CDH20: variants seen among roughly 807,000 people sequenced by gnomAD.
CDH20 encodes cadherin-20.
Under a neutral mutation model 74.2 loss-of-function variants are expected in CDH20, and 29 were observed. The observed-to-expected ratio is 0.39, with a 90% CI of 0.29 to 0.53. The LOEUF (loss-of-function observed/expected upper bound fraction) is 0.53. Among genes scored for constraint, CDH20 ranks in the 20% least tolerant of loss-of-function variants. The pLI, the probability that CDH20 is intolerant of heterozygous loss-of-function variation, is 0.69. For synonymous variants in CDH20, 469 were observed against 405.4 expected (o/e 1.16, Z -1.88); for missense variants, 988 against 1,048.3 (o/e 0.94, Z 0.79).
intron 1 of CDH20, among the ~76,000 whole-genome samples, chr18:61,448,356 T>G (rs899453622): frequency 1.3e-5 from 2 of 152,170 alleles, no homozygotes; most frequent in Admixed American, 6.5e-5. Flanking sequence ...GGTCAAGTAA[T>G]TTAAGTCTGA....
At chr18:61,334,501 GT>G (rs1345055308) in intron 1 of CDH20, 1 of 152,392 alleles carries the variant, frequency 6.6e-6, no homozygotes, top group Non-Finnish European at 1.5e-5. Flanking sequence ...TGCGCTCGCT[GT>G]TTGGTTTTTG....
At chr18:61,354,682 G>C (rs1476474224) in intron 1 of CDH20, among the ~76,000 whole-genome samples, 1 of 151,922 alleles carries the variant, frequency 6.6e-6, no homozygotes, top group Non-Finnish European at 1.5e-5. Flanking sequence ...GCTGTACTGA[G>C]ACAATTACTT....
chr18:61,429,249 G>C (rs894969239), intron 1 of CDH20, among the ~76,000 whole-genome samples: 10 of 152,122 alleles, frequency 6.6e-5, no homozygotes, highest in Non-Finnish European at 1.0e-4. Flanking sequence ...CATGTCTTTA[G>C]ACTTTTGTTT....
intron 6 of CDH20, among the ~76,000 whole-genome samples, chr18:61,517,264 A>G (rs1003844455): frequency 7.9e-5 from 12 of 152,320 alleles, no homozygotes; most frequent in African/African-American, 2.6e-4. Flanking sequence ...CAAAGTTAAG[A>G]GTTTCTGCTC....
chr18:61,465,903 T>A lies in CDH20; in HGVS notation c.-152-24499T>A, dbSNP rs530246421. 2.8e-4 allele frequency among the ~76,000 whole-genome samples: 43 copies of A among 151,456 alleles called. No individual in the cohort carries two copies. The East Asian group carries it at 4.5e-3, about 16-fold the overall frequency. On this transcript the variant is annotated intron_variant, in intron 1 of 11. Transcript: ENST00000262717. Reference sequence around the variant, plus strand: ...AGGAACCATGTCTCTAAAAAAAAAATTTACAAATTAGCCAGGCATGGTGAT... The same window carrying A: ...AGGAACCATGTCTCTAAAAAAAAAAATTACAAATTAGCCAGGCATGGTGAT...
At chr18:61,450,387 TA>T (rs67988465) in intron 1 of CDH20, among the ~76,000 whole-genome samples, 112,316 of 131,160 alleles carry the variant, frequency 0.86, 48,461 homozygotes, top group Non-Finnish European at 0.94. Context: ...CAAACCCCTT[TA>T]AAAAAAAAAA....
At chr18:61,433,483 C>A (rs1908724752) in intron 1 of CDH20, among the ~76,000 whole-genome samples, 1 of 152,108 alleles carries the variant, frequency 6.6e-6, no homozygotes, top group Non-Finnish European at 1.5e-5. Flanking sequence ...TGGGAATTAT[C>A]ATTTCACCAG....
chr18:61,377,785 T>A (rs1398340705), intron 1 of CDH20, among the ~76,000 whole-genome samples: 1 of 152,060 alleles, frequency 6.6e-6, no homozygotes, highest in Non-Finnish European at 1.5e-5. Context: ...TGGGCCTACA[T>A]CTTGAGGGAA....
rs537293987 is a variant in CDH20 at position 61,500,065 on chromosome 18, C to T, written c.542-318C>T. 3.2e-5 allele frequency among the ~76,000 whole-genome samples: 4 copies of T among 126,620 alleles called. No homozygotes were observed. The East Asian group carries it at 9.3e-4, about 29-fold the overall frequency. The allele number at this position is 126,620 out of a possible 152,430, so 83.1% of individuals were successfully genotyped here. A position where few individuals can be genotyped will look rare whatever the true frequency, so the allele number is the denominator to read the frequency against. On this transcript the variant is annotated intron_variant, in intron 3 of 11. Coordinates refer to ENST00000262717, the MANE Select transcript of CDH20 (RefSeq NM_031891.4). ...ATTTCAGTGAGCTGAGATCACGCCA[C>T]TGCACTCCAGCCTGGCGACAGAGTG...
intron 2 of CDH20, 33 bp downstream of exon 2, chr18:61,490,832 T>G (rs681902): frequency 1 from 1,608,017 of 1,610,402 alleles, 802,851 homozygotes; most frequent in East Asian, 1. Flanking sequence ...GACCCGGGTA[T>G]TGGATATTGA....
In CDH20 at chr18:61,488,709, CTTT is replaced by C. The variant is rs1262040958; in HGVS notation, c.-152-1686_-152-1684del. On this transcript the variant is annotated intron_variant, in intron 1 of 11. Transcript: ENST00000262717. ...ACTAATCACAGCATTCTGGCAGTGG[CTTT>C]TTTTTTGTTTGTTTGTTTGTTTGTT... 7.3e-3 allele frequency among the ~76,000 whole-genome samples: 32 copies of C among 4,366 alleles called. 1 individual carries two copies. The Admixed American group carries it at 0.078, about 11-fold the overall frequency. The allele number at this position is 4,366 out of a possible 152,430, so 2.9% of individuals were successfully genotyped here.
At position 61,490,492 on chromosome 18, in the gene CDH20, GAA is replaced by G; in HGVS notation, c.-59_-58del. 6.5e-7 allele frequency: 1 copy of G among 1,536,220 alleles called. No homozygotes were observed. Among genetic ancestry groups the G allele is most frequent in the Non-Finnish European group, 8.9e-7 (1 of 1,122,948 alleles). On this transcript the variant is annotated 5_prime_UTR_variant, in exon 2 of 12. Coordinates refer to ENST00000262717, the MANE Select transcript of CDH20 (RefSeq NM_031891.4). ...AAAACTGTGTATTTTTTTAAATTTG[GAA>G]AATACTCAAGTTCCAGTTGCTTATC...
intron 1 of CDH20, among the ~76,000 whole-genome samples, chr18:61,404,646 A>G (rs1408083540): frequency 6.6e-6 from 1 of 152,224 alleles, no homozygotes; most frequent in African/African-American, 2.4e-5. Flanking sequence ...TTTAAAGATT[A>G]ATAAAATCAT....
At position 61,536,619 on chromosome 18, in the gene CDH20, T is replaced by C; in HGVS notation, c.1398T>C (p.Ala466=). Residue 466 remains alanine, a synonymous_variant, in exon 8 of 12, where the codon GCT becomes GCC. Transcript: ENST00000262717. ...EFSWHNITVL[A]MEMNNPSQVG... is the part of the protein sequence containing the mutation. ...CTTGGCATAATATCACTGTCCTTGC[T>C]ATGGAAATGAGTAAGTAGCACAGTA... 1 of 1,613,894 alleles carries C rather than the reference T, an allele frequency of 6.2e-7. No individual in the cohort carries two copies. The highest frequency in any genetic ancestry group is 8.5e-7 in the Non-Finnish European group (1 of 1,179,806).
At chr18:61,364,989 C>A (rs1206131574) in intron 1 of CDH20, among the ~76,000 whole-genome samples, 1 of 152,196 alleles carries the variant, frequency 6.6e-6, no homozygotes, top group Non-Finnish European at 1.5e-5. Context: ...GACAGAATCT[C>A]ATTTCCTTAA....
intron 5 of CDH20, among the ~76,000 whole-genome samples, chr18:61,506,185 T>A (rs55871857): frequency 0.022 from 3,345 of 152,342 alleles, 68 homozygotes; most frequent in African/African-American, 0.041. Context: ...TAACATAGCT[T>A]TATTGGGATG....
rs1471622964 is a variant in CDH20 at position 61,490,726 on chromosome 18, A to G, written c.173A>G (p.Lys58Arg). 1.9e-6 allele frequency: 3 copies of G among 1,614,082 alleles called. No individual in the cohort carries two copies. In the African/African-American group the frequency reaches 4.0e-5, roughly 22 times the overall value. ...SDKPQSHQRT[K>R]RSWVWNQFFV... ...AAGCCACAGTCACATCAGCGGACCA[A>G]GAGGAGCTGGGTTTGGAACCAGTTT... Residue 58 changes from lysine (K) to arginine (R), a missense_variant, in exon 2 of 12, where the codon AAG (lysine) becomes AGG (arginine). By Grantham distance (26) the Lys-to-Arg change is conservative. This residue lies in a region of CDH20 where 613 missense variants were observed against 755.2 expected (regional missense o/e 0.81). Transcript: ENST00000262717.
intron 1 of CDH20, among the ~76,000 whole-genome samples, chr18:61,456,128 C>T (rs1909563787): frequency 6.6e-6 from 1 of 152,190 alleles, no homozygotes; most frequent in Admixed American, 6.5e-5. Context: ...AACCTCAATC[C>T]TCTAGCCTAT....
chr18:61,386,131 T>G (rs1421749277), intron 1 of CDH20, among the ~76,000 whole-genome samples: 2 of 152,206 alleles, frequency 1.3e-5, no homozygotes, highest in African/African-American at 4.8e-5. Flanking sequence ...TGTTTCTAAC[T>G]TCTCTGGTCA....
Sources: allele counts gnomAD v4.1 joint callset (sites outside exome capture counted in the v4.1 genomes callset), GRCh38; gene constraint gnomAD v4.1.1; regional missense constraint gnomAD v4.1.1; transcripts MANE v1.5; gene names NCBI Gene and HGNC (gene_info 2026-07-23, HGNC 2026-07-21).